SMYD3: variants seen among roughly 807,000 people sequenced by gnomAD.
The protein encoded by SMYD3 is SET and MYND domain containing 3.
In SMYD3, 36 loss-of-function variants were observed where a neutral mutation model predicts 57.7. The observed-to-expected ratio is 0.62, with a 90% CI of 0.48 to 0.82. The LOEUF (loss-of-function observed/expected upper bound fraction) is 0.82. SMYD3 is among the 40% of genes least tolerant of loss of function. The probability of loss-of-function intolerance (pLI) is 0.00; values close to 1 mark genes in which losing one functional copy is unlikely to be tolerated. For missense variants in SMYD3, 515 were observed against 538.8 expected, an observed-to-expected ratio of 0.96 and a Z score of 0.44; for synonymous variants, 211 against 195.0, an observed-to-expected ratio of 1.08 and a Z score of -0.68.
At chr1:245,948,111 G>A (rs72768781) in intron 5 of SMYD3, among the ~76,000 whole-genome samples, 5 of 152,072 alleles carry the variant, frequency 3.3e-5, no homozygotes, top group Non-Finnish European at 4.4e-5. Flanking sequence ...CACCACCCTC[G>A]GGTGCTGTCT....
At chr1:245,941,671 C>T (rs1412935923) in intron 5 of SMYD3, among the ~76,000 whole-genome samples, 9 of 152,226 alleles carry the variant, frequency 5.9e-5, no homozygotes, top group Non-Finnish European at 1.3e-4. Context: ...CAGGTGCATG[C>T]CACCATGCCA....
intron 5 of SMYD3, among the ~76,000 whole-genome samples, chr1:246,313,055 C>G (rs1454855166): frequency 6.6e-6 from 1 of 152,050 alleles, no homozygotes; most frequent in East Asian, 1.9e-4. Flanking sequence ...GCTGGGACCA[C>G]AGGCATGAGC....
chr1:246,197,260 G>A lies in SMYD3; in HGVS notation c.531+129941C>T, dbSNP rs534759785. ...GTGGAACGTGGCTCCCCTCTCCTTAGGTCTGGGTGGTGCCTAGTGACGTCC... is the reference window on the plus strand; with the variant it reads ...GTGGAACGTGGCTCCCCTCTCCTTAAGTCTGGGTGGTGCCTAGTGACGTCC... On this transcript the variant is annotated intron_variant, in intron 5 of 11. Transcript: ENST00000490107. Among the ~76,000 whole-genome samples the A allele has an allele frequency of 2.0e-4, 30 of 152,302 alleles. 2 individuals carry two copies. Among genetic ancestry groups the A allele is most frequent in the African/African-American group, 7.2e-4 (30 of 41,562 alleles).
At chr1:245,892,908 G>A (rs2053482886) in intron 8 of SMYD3, among the ~76,000 whole-genome samples, 1 of 152,074 alleles carries the variant, frequency 6.6e-6, no homozygotes, top group Non-Finnish European at 1.5e-5. Context: ...TAAAACTTCT[G>A]CTTTTCATTC....
intron 10 of SMYD3, among the ~76,000 whole-genome samples, chr1:245,804,175 TG>T (rs1383494318): frequency 2.0e-5 from 3 of 152,090 alleles, no homozygotes; most frequent in Non-Finnish European, 2.9e-5. Context: ...CCTCCCAAAG[TG>T]TTGGGATTAC....
chr1:245,780,903 A>G (rs1034439663), intron 10 of SMYD3, among the ~76,000 whole-genome samples: 2 of 152,242 alleles, frequency 1.3e-5, no homozygotes, highest in African/African-American at 4.8e-5. Flanking sequence ...CATACAATGT[A>G]AACTACTCAG....
chr1:245,838,393 G>A (rs932173095), intron 10 of SMYD3, among the ~76,000 whole-genome samples: 6 of 152,186 alleles, frequency 3.9e-5, no homozygotes, highest in Non-Finnish European at 5.9e-5. Context: ...TTCACCCTGC[G>A]GGGGATGAGG....
intron 5 of SMYD3, chr1:246,187,005 A>G (rs2062651352): frequency 1.1e-6 from 1 of 876,906 alleles, no homozygotes; most frequent in African/African-American, 1.8e-5. Flanking sequence ...ACACAAACAT[A>G]CAAAGTAGGT....
intron 1 of SMYD3, among the ~76,000 whole-genome samples, chr1:246,381,767 A>G (rs1229986348): frequency 8.5e-5 from 13 of 152,230 alleles, no homozygotes; most frequent in Non-Finnish European, 1.9e-4. Context: ...CACTTTTAGA[A>G]GAAAATCAAA....
At chr1:246,171,217 T>C (rs1010167452) in intron 5 of SMYD3, among the ~76,000 whole-genome samples, 3 of 152,102 alleles carry the variant, frequency 2.0e-5, no homozygotes, top group Admixed American at 6.5e-5. Flanking sequence ...CAAAGATAAC[T>C]GAAAAAAAGG....
Position 246,307,436 on chromosome 1 carries a change from T to C in SMYD3, c.531+19765A>G, listed in dbSNP as rs942639089. Reference sequence around the variant, plus strand: ...TTCTTTTTTTTTTTTTTTTTTTTTTTTGAGACGGAGTCTCGCTCTGTCGCC... The same window carrying C: ...TTCTTTTTTTTTTTTTTTTTTTTTTCTGAGACGGAGTCTCGCTCTGTCGCC... On this transcript the variant is annotated intron_variant, in intron 5 of 11. Coordinates refer to ENST00000490107, the MANE Select transcript of SMYD3 (RefSeq NM_001167740.2). Among the ~76,000 whole-genome samples, 1,242 of 138,048 alleles carry C rather than the reference T, an allele frequency of 9.0e-3. 21 individuals are homozygous for C. The highest frequency in any genetic ancestry group is 0.035 in the African/African-American group (1,150 of 32,942). 90.6% of individuals were successfully genotyped at this position (138,048 alleles called of 152,430 possible).
At chr1:245,756,896 C>A (rs1226633625) in intron 11 of SMYD3, among the ~76,000 whole-genome samples, 1 of 151,358 alleles carries the variant, frequency 6.6e-6, no homozygotes, top group African/African-American at 2.4e-5. Flanking sequence ...GTTTGCTTAG[C>A]TTCTTAAATC....
intron 5 of SMYD3, among the ~76,000 whole-genome samples, chr1:246,145,284 C>A (rs970687570): frequency 2.0e-5 from 3 of 152,186 alleles, no homozygotes; most frequent in African/African-American, 7.2e-5. Flanking sequence ...TAACATCTAA[C>A]TCAAAAGGCT....
At chr1:245,807,179 C>T (rs1375384933) in intron 10 of SMYD3, among the ~76,000 whole-genome samples, 1 of 151,958 alleles carries the variant, frequency 6.6e-6, no homozygotes, top group African/African-American at 2.4e-5. Flanking sequence ...GTGGGCAGCC[C>T]TCACCTCCAC....
chr1:246,240,667 C>A (rs2063593606), intron 5 of SMYD3, among the ~76,000 whole-genome samples: 1 of 152,152 alleles, frequency 6.6e-6, no homozygotes, highest in Admixed American at 6.5e-5. Flanking sequence ...ATTGAATCTA[C>A]AAATTACCTT....
intron 5 of SMYD3, among the ~76,000 whole-genome samples, chr1:246,194,166 G>C (rs1399297595): frequency 2.0e-5 from 3 of 152,124 alleles, no homozygotes; most frequent in Non-Finnish European, 4.4e-5. Flanking sequence ...TTAACCTGTG[G>C]GTTGTTGTTT....
Position 245,927,918 on chromosome 1 carries a change from T to C in SMYD3, c.702+13A>G, listed in dbSNP as rs2056483985. The C allele has an allele frequency of 2.5e-6, 4 of 1,603,078 alleles. No homozygotes were observed. Among genetic ancestry groups the C allele is most frequent in the Non-Finnish European group, 2.6e-6 (3 of 1,172,862 alleles). On this transcript the variant is annotated intron_variant, in intron 7 of 11. Transcript: ENST00000490107. Reference sequence around the variant, plus strand: ...GGAAAGAAGGCCAGGCTGGGAAGCATGAGTTTCCTTACCTCCTCTCCCACC... The same window carrying C: ...GGAAAGAAGGCCAGGCTGGGAAGCACGAGTTTCCTTACCTCCTCTCCCACC...
At chr1:246,301,000 G>A (rs1148711) in intron 5 of SMYD3, among the ~76,000 whole-genome samples, 68,547 of 151,826 alleles carry the variant, frequency 0.45, 16,335 homozygotes, top group East Asian at 0.82. Context: ...AATGCTACCC[G>A]TCCTAAGGGT....
At chr1:246,284,835 A>G (rs12082657) in intron 5 of SMYD3, among the ~76,000 whole-genome samples, 7 of 152,208 alleles carry the variant, frequency 4.6e-5, no homozygotes, top group African/African-American at 1.7e-4. Context: ...CCAGCCTTAC[A>G]TTATTGGAAG....
Sources: allele counts gnomAD v4.1 joint callset (sites outside exome capture counted in the v4.1 genomes callset), GRCh38; gene constraint gnomAD v4.1.1; transcripts MANE v1.5; gene names NCBI Gene and HGNC (gene_info 2026-07-23, HGNC 2026-07-21).